Variants in GALNTL6 observed in about 807,000 individuals in gnomAD.
GALNTL6 encodes the protein polypeptide N-acetylgalactosaminyltransferase like 6, also known as polypeptide N-acetylgalactosaminyltransferase-like 6.
In GALNTL6, 46 loss-of-function variants were observed where a neutral mutation model predicts 73.7. That is an observed-to-expected ratio of 0.62 (90% CI 0.49 to 0.80). The LOEUF (loss-of-function observed/expected upper bound fraction) is 0.80. Among genes scored for constraint, GALNTL6 ranks in the 30% least tolerant of loss-of-function variants. GALNTL6 has a pLI of 0.00. For missense variants in GALNTL6, 604 were observed against 755.0 expected, an observed-to-expected ratio of 0.80 and a Z score of 2.34; for synonymous variants, 259 against 263.7, an observed-to-expected ratio of 0.98 and a Z score of 0.17.
chr4:171,897,725 A>G (rs1320030943), intron 2 of GALNTL6, among the ~76,000 whole-genome samples: 2 of 151,118 alleles, frequency 1.3e-5, no homozygotes, highest in African/African-American at 2.4e-5. Context: ...ATTTCGGCTC[A>G]CTGCAAGCTC....
chr4:172,050,134 C>T (rs1366776545), intron 2 of GALNTL6, among the ~76,000 whole-genome samples: 1 of 151,928 alleles, frequency 6.6e-6, no homozygotes, highest in Non-Finnish European at 1.5e-5. Flanking sequence ...GGTTTTATTC[C>T]CTCAGAATCA....
intron 3 of GALNTL6, among the ~76,000 whole-genome samples, chr4:172,262,399 G>C (rs1167629568): frequency 6.6e-6 from 1 of 150,868 alleles, no homozygotes; most frequent in Non-Finnish European, 1.5e-5. Flanking sequence ...TGTCTTTTCT[G>C]TCATTGCTTT....
chr4:172,347,129 A>C (rs565383481), intron 4 of GALNTL6, among the ~76,000 whole-genome samples: 15 of 151,512 alleles, frequency 9.9e-5, no homozygotes, highest in Admixed American at 9.2e-4. Flanking sequence ...AGCTAGGATG[A>C]CAGGCGTGTG....
chr4:172,770,607 C>A (rs940285619), intron 5 of GALNTL6, among the ~76,000 whole-genome samples: 8 of 152,046 alleles, frequency 5.3e-5, no homozygotes, highest in African/African-American at 1.9e-4. Context: ...TTCATTTTTC[C>A]AATTGCAAAT....
intron 5 of GALNTL6, among the ~76,000 whole-genome samples, chr4:172,524,746 G>T (rs1214528745): frequency 1.3e-5 from 2 of 152,108 alleles, no homozygotes; most frequent in African/African-American, 4.8e-5. Flanking sequence ...TCTCTTAACA[G>T]TATCATTTGG....
At chr4:172,421,244 A>T (rs551189657) in intron 5 of GALNTL6, among the ~76,000 whole-genome samples, 2 of 152,176 alleles carry the variant, frequency 1.3e-5, no homozygotes, top group Non-Finnish European at 2.9e-5. Flanking sequence ...AATATTGAAT[A>T]CATTTGCCTC....
chr4:172,658,363 A>C (rs1398011794), intron 5 of GALNTL6, among the ~76,000 whole-genome samples: 2 of 147,254 alleles, frequency 1.4e-5, no homozygotes, highest in African/African-American at 5.0e-5. Context: ...GCTACTCGGG[A>C]GGCTGAGGCA....
chr4:172,040,048 G>A (rs1160500558), intron 2 of GALNTL6, among the ~76,000 whole-genome samples: 2 of 152,076 alleles, frequency 1.3e-5, no homozygotes, highest in Non-Finnish European at 2.9e-5. Context: ...TTATGAAATA[G>A]TAATTTCATC....
chr4:172,979,912 C>A (rs1029103975), intron 10 of GALNTL6, among the ~76,000 whole-genome samples: 4 of 152,190 alleles, frequency 2.6e-5, no homozygotes, highest in Admixed American at 6.5e-5. Context: ...AATCCCTGTC[C>A]TTTTGGGAAT....
chr4:171,858,374 T>C (rs1363534920), intron 2 of GALNTL6, among the ~76,000 whole-genome samples: 3 of 152,174 alleles, frequency 2.0e-5, no homozygotes, highest in Admixed American at 6.5e-5. Flanking sequence ...AGATTAATTT[T>C]TTTGAAGTAA....
chr4:172,699,502 T>C (rs1343054882), intron 5 of GALNTL6, among the ~76,000 whole-genome samples: 1 of 152,174 alleles, frequency 6.6e-6, no homozygotes, highest in Non-Finnish European at 1.5e-5. Context: ...TAACCTTCTC[T>C]CAGAGTTGCC....
chr4:172,617,045 AT>A (rs557197785), intron 5 of GALNTL6, among the ~76,000 whole-genome samples: 139 of 147,072 alleles, frequency 9.5e-4, no homozygotes, highest in Middle Eastern at 3.5e-3. Flanking sequence ...AATGTTTCGC[AT>A]TTTTTTTTTG....
At chr4:172,206,419 G>C (rs1042728945) in intron 2 of GALNTL6, among the ~76,000 whole-genome samples, 1 of 152,146 alleles carries the variant, frequency 6.6e-6, no homozygotes, top group African/African-American at 2.4e-5. Flanking sequence ...TTGTTATAAT[G>C]AATGTTCTTG....
At position 172,403,735 on chromosome 4, in the gene GALNTL6, C is replaced by T. The variant is rs886299710; in HGVS notation, c.553+55046C>T. 6.6e-5 allele frequency among the ~76,000 whole-genome samples: 10 copies of T among 152,002 alleles called. No homozygotes were observed. In the South Asian group the frequency reaches 1.5e-3, roughly 22 times the overall value. On this transcript the variant is annotated intron_variant, in intron 5 of 12. Coordinates refer to ENST00000506823, the MANE Select transcript of GALNTL6 (RefSeq NM_001034845.3). ...ATTCAAAGGAAGAAGAATTTACATT[C>T]GATTTCCAAAGCAATGGATCTTTGA...
chr4:172,402,818 G>T (rs1744088054), intron 5 of GALNTL6, among the ~76,000 whole-genome samples: 2 of 151,974 alleles, frequency 1.3e-5, no homozygotes, highest in African/African-American at 4.8e-5. Context: ...GAAGTTGAGG[G>T]TGAAAAGGAA....
At chr4:172,923,326 T>G (rs182227426) in intron 8 of GALNTL6, among the ~76,000 whole-genome samples, 3 of 151,914 alleles carry the variant, frequency 2.0e-5, no homozygotes, top group Non-Finnish European at 2.9e-5. Context: ...GAATCCCTCT[T>G]TATAAAGCCG....
chr4:172,325,887 T>C (rs1337713346), intron 4 of GALNTL6, among the ~76,000 whole-genome samples: 1 of 151,770 alleles, frequency 6.6e-6, no homozygotes, highest in Non-Finnish European at 1.5e-5. Context: ...AAGAAAACAC[T>C]CCACTCTACA....
At chr4:172,621,729 A>G (rs974969099) in intron 5 of GALNTL6, among the ~76,000 whole-genome samples, 10 of 152,216 alleles carry the variant, frequency 6.6e-5, no homozygotes, top group Non-Finnish European at 1.5e-4. Flanking sequence ...TCTGAGATTA[A>G]TATAGGAATC....
intron 2 of GALNTL6, among the ~76,000 whole-genome samples, chr4:171,908,690 A>C (rs866390950): frequency 0.01 from 1,515 of 147,808 alleles, 41 homozygotes; most frequent in African/African-American, 0.038. Flanking sequence ...AAGACACATG[A>C]ACACGTATGT....
Sources: allele counts gnomAD v4.1 joint callset (sites outside exome capture counted in the v4.1 genomes callset), GRCh38; gene constraint gnomAD v4.1.1; transcripts MANE v1.5; gene names NCBI Gene and HGNC (gene_info 2026-07-23, HGNC 2026-07-21).